The following ADAM29 variants were observed in gnomAD, a reference collection of about 807,000 sequenced individuals.
ADAM29 encodes disintegrin and metalloproteinase domain-containing protein 29.
For missense variants in ADAM29, 969 were observed against 1,001.8 expected (o/e 0.97, Z 0.44); for synonymous variants, 367 against 342.3 (o/e 1.07, Z -0.80).
chr4:174,977,196 G>T lies in ADAM29; in HGVS notation c.1671G>T (p.Glu557Asp), dbSNP rs1235028373. The change falls in exon 5 of 5, where the codon GAG becomes GAT. Residue 557 changes from glutamate (E) to aspartate (D), a missense_variant. Physicochemically the swap from Glu to Asp is conservative, Grantham distance 45. Coordinates refer to ENST00000359240, the MANE Select transcript of ADAM29 (RefSeq NM_014269.4). ...SDVQCGRIQC[E>D]NVTEIPNMSD... Reference sequence around the variant, plus strand: ...TCCAGTGTGGAAGAATTCAGTGTGAGAATGTGACAGAAATTCCCAATATGA... The same window carrying T: ...TCCAGTGTGGAAGAATTCAGTGTGATAATGTGACAGAAATTCCCAATATGA... 2.5e-6 allele frequency: 4 copies of T among 1,614,044 alleles called. No homozygotes were observed. Among genetic ancestry groups the T allele is most frequent in the Non-Finnish European group, 3.4e-6 (4 of 1,180,040 alleles).
intron 2 of ADAM29, among the ~76,000 whole-genome samples, chr4:174,921,609 A>G (rs556136635): frequency 2.5e-4 from 38 of 152,348 alleles, no homozygotes; most frequent in Admixed American, 4.6e-4. Flanking sequence ...ATCCACCTTA[A>G]GGATAGTGGC....
rs1579088448 is a variant in ADAM29, at chr4:174,975,900, A to G, written c.375A>G (p.Gly125=). The G allele has an allele frequency of 6.2e-7, 1 of 1,613,596 alleles. No individual in the cohort carries two copies. Among genetic ancestry groups the G allele is most frequent in the Non-Finnish European group, 8.5e-7 (1 of 1,179,870 alleles). ...GTACCTGTTTTGGGGGTTTTCAAGG[A>G]ATATTACAGATAAATGACTTTGCTT... The part of the protein sequence containing the change: ...SLSTCFGGFQ[G]ILQINDFAYE... The change falls in exon 5 of 5, where the codon GGA becomes GGG. Residue 125 remains glycine, a synonymous_variant. Coordinates refer to ENST00000359240, the MANE Select transcript of ADAM29 (RefSeq NM_014269.4).
At chr4:174,974,168 C>A (rs1390341094) in intron 4 of ADAM29, among the ~76,000 whole-genome samples, 1 of 152,200 alleles carries the variant, frequency 6.6e-6, no homozygotes, top group Non-Finnish European at 1.5e-5. Context: ...ACACATGTGT[C>A]CTGACTCCCT....
chr4:174,946,650 G>A (rs1478920145), intron 4 of ADAM29, among the ~76,000 whole-genome samples: 2 of 151,876 alleles, frequency 1.3e-5, no homozygotes, highest in African/African-American at 2.4e-5. Context: ...ATGGCTTTTA[G>A]TATTTTATTG....
At position 174,977,676 on chromosome 4, in the gene ADAM29, A is replaced by T. The variant is rs375497019; in HGVS notation, c.2151A>T (p.Glu717Asp). 1.2e-6 allele frequency: 2 copies of T among 1,614,272 alleles called. No homozygotes were observed. The highest frequency in any genetic ancestry group is 1.7e-6 in the Non-Finnish European group (2 of 1,180,050). ...QQDVQTPSAK[E>D]EEKIQRRPHE... ...ATGTTCAAACTCCATCTGCAAAAGA[A>T]GAGGAAAAAATTCAGCGTCGACCTC... The change falls in exon 5 of 5, where the codon GAA (glutamate) becomes GAT (aspartate). Residue 717 changes from glutamate to aspartate, a missense_variant. Coordinates refer to ENST00000359240, the MANE Select transcript of ADAM29 (RefSeq NM_014269.4).
rs762890923 is a variant in ADAM29, at chr4:174,977,681, A to G, written c.2156A>G (p.Glu719Gly). ...CAAACTCCATCTGCAAAAGAAGAGG[A>G]AAAAATTCAGCGTCGACCTCATGAG... ...DVQTPSAKEE[E>G]KIQRRPHELP... Residue 719 changes from glutamate (E) to glycine (G), a missense_variant, in exon 5 of 5, where the codon GAA becomes GGA. Coordinates refer to ENST00000359240, the MANE Select transcript of ADAM29 (RefSeq NM_014269.4). The G allele has an allele frequency of 1.2e-6, 2 of 1,614,126 alleles. No individual in the cohort carries two copies. Among genetic ancestry groups the G allele is most frequent in the Admixed American group, 3.3e-5 (2 of 60,012 alleles).
chr4:174,928,339 T>C (rs1442885859), intron 2 of ADAM29, among the ~76,000 whole-genome samples: 1 of 151,886 alleles, frequency 6.6e-6, no homozygotes, highest in East Asian at 1.9e-4. Flanking sequence ...ATCCTGGAGA[T>C]GTTTTTTGCC....
Sources: allele counts gnomAD v4.1 joint callset (sites outside exome capture counted in the v4.1 genomes callset), GRCh38; gene constraint gnomAD v4.1.1; transcripts MANE v1.5; gene names NCBI Gene and HGNC (gene_info 2026-07-23, HGNC 2026-07-21).